Variants in AP4M1 observed in about 807,000 individuals in gnomAD.
The protein encoded by AP4M1 is AP-4 complex subunit mu-1.
In AP4M1, 58 loss-of-function variants were observed where a neutral mutation model predicts 62.4. The observed-to-expected ratio is 0.93, with a 90% CI of 0.75 to 1.16. AP4M1 has a LOEUF of 1.16. AP4M1 is among the 50% of genes most tolerant of loss of function. AP4M1 has a pLI of 0.00. For missense variants in AP4M1, 626 were observed against 585.4 expected (o/e 1.07, Z -0.72); for synonymous variants, 290 against 239.7 (o/e 1.21, Z -1.94).
chr7:100,103,337 T>C, intron 4 of AP4M1, 72 bp from the exon 5 acceptor site: 1 of 1,303,882 alleles, frequency 7.7e-7, no homozygotes, highest in Non-Finnish European at 1.1e-6. Context: ...TGAGTCACCA[T>C]GCCTGGCCCC....
chr7:100,102,448 C>G, intron 2 of AP4M1: 1 of 600,052 alleles, frequency 1.7e-6, no homozygotes, highest in East Asian at 2.8e-5. Flanking sequence ...AGCAACACAC[C>G]AGGCCCAGCT....
At chr7:100,105,855 G>A (rs1305260215) in intron 11 of AP4M1, 104 bp from the exon 12 acceptor site, 22 of 1,366,708 alleles carry the variant, frequency 1.6e-5, no homozygotes, top group African/African-American at 4.3e-5. Flanking sequence ...CCTCTTGGGA[G>A]TACAGCCCAC....
rs181206586 is a variant in AP4M1 at position 100,107,774 on chromosome 7, G to A, written c.*892G>A. 7.2e-7 allele frequency: 1 copy of A among 1,390,038 alleles called. No individual in the cohort carries two copies. The highest frequency in any genetic ancestry group is 1.5e-5 in the African/African-American group (1 of 68,640). 86.1% of individuals were successfully genotyped at this position (1,390,038 alleles called of 1,614,324 possible). ...ATGGCTGGAGACCTTGTTCATGCAG[G>A]GCAGCTACAGCCCTGCAGGACCCTG... On this transcript the variant is annotated 3_prime_UTR_variant, in exon 15 of 15. Transcript: ENST00000359593.
rs764983094 is a variant in AP4M1 at position 100,107,291 on chromosome 7, G to A, written c.*409G>A. On this transcript the variant is annotated 3_prime_UTR_variant, in exon 15 of 15. Coordinates refer to ENST00000359593, the MANE Select transcript of AP4M1 (RefSeq NM_004722.4). Reference sequence around the variant, plus strand: ...AGCCGGAGTTGGGCTGGGAGCCATTGGCTTTTGGAGTCCCTGGAGCTGGAG... The same window carrying A: ...AGCCGGAGTTGGGCTGGGAGCCATTAGCTTTTGGAGTCCCTGGAGCTGGAG... 2.0e-6 allele frequency: 3 copies of A among 1,524,108 alleles called. No individual in the cohort carries two copies. In the East Asian group the frequency reaches 6.8e-5, roughly 34 times the overall value. The allele number at this position is 1,524,108 out of a possible 1,614,324, so 94.4% of individuals were successfully genotyped here.
chr7:100,105,959 G>A lies in AP4M1; in HGVS notation c.930G>A (p.Arg310=), dbSNP rs141754568. 6.2e-4 allele frequency: 994 copies of A among 1,614,142 alleles called. 10 individuals are homozygous for A. In the Middle Eastern group the frequency reaches 0.018, roughly 29 times the overall value. ...CGTGGTGTTTTACCCTCTCATCCAG[G>A]CTCCAGGTTTATCTAAAGTTGCGAT... ...PSVQWDRGSG[R]LQVYLKLRCD... is the part of the protein sequence containing the mutation. The change falls in exon 12 of 15, where the codon CGG becomes CGA. Residue 310 remains arginine, a splice_region_variant and synonymous_variant. Coordinates refer to ENST00000359593, the MANE Select transcript of AP4M1 (RefSeq NM_004722.4).
rs898297630 is a variant in AP4M1, at chr7:100,108,697, A to C, written c.*1815A>C. The C allele has an allele frequency of 9.9e-6, 7 of 708,962 alleles. No individual in the cohort carries two copies. The highest frequency in any genetic ancestry group is 1.8e-5 in the African/African-American group (1 of 55,962). 43.9% of individuals were successfully genotyped at this position (708,962 alleles called of 1,614,324 possible). A position where few individuals can be genotyped will look rare whatever the true frequency, so the allele number is the denominator to read the frequency against. On this transcript the variant is annotated 3_prime_UTR_variant, in exon 15 of 15. Transcript: ENST00000359593. ...CCCTGTTGAAGGCCAAATTATGCTGAACTATTAGTGTGTGTACAGAACACT... is the reference window on the plus strand; with the variant it reads ...CCCTGTTGAAGGCCAAATTATGCTGCACTATTAGTGTGTGTACAGAACACT...
intron 12 of AP4M1, 21 bp from the exon 13 acceptor site, chr7:100,106,220 T>C (rs752316150): frequency 6.2e-7 from 1 of 1,614,024 alleles, no homozygotes; most frequent in Admixed American, 1.7e-5. Context: ...GGGGCTGACT[T>C]TGTTCCCGTC....
chr7:100,106,196 G>A, intron 12 of AP4M1, 45 bp from the exon 13 acceptor site: 1 of 1,609,418 alleles, frequency 6.2e-7, no homozygotes, highest in Non-Finnish European at 8.5e-7. Context: ...CAGGACAAGG[G>A]ACTGTGCCTT....
chr7:100,108,825 A>C lies in AP4M1; in HGVS notation c.*1943A>C. 1 of 284,514 alleles carries C rather than the reference A, an allele frequency of 3.5e-6. No homozygotes were observed. Among genetic ancestry groups the C allele is most frequent in the Non-Finnish European group, 6.6e-6 (1 of 152,152 alleles). 17.6% of individuals were successfully genotyped at this position (284,514 alleles called of 1,614,324 possible). A position where few individuals can be genotyped will look rare whatever the true frequency, so the allele number is the denominator to read the frequency against. Reference sequence around the variant, plus strand: ...TGAGGTGGGTGGATCACTTGAGGTCAAGAGCCTGGCCAAAATGGAGAAACC... The same window carrying C: ...TGAGGTGGGTGGATCACTTGAGGTCCAGAGCCTGGCCAAAATGGAGAAACC... On this transcript the variant is annotated 3_prime_UTR_variant, in exon 15 of 15. Transcript: ENST00000359593.
At chr7:100,102,609 C>A in intron 2 of AP4M1, 66 bp from the exon 3 acceptor site, 1 of 1,430,444 alleles carries the variant, frequency 7.0e-7, no homozygotes, top group Non-Finnish European at 9.8e-7. Flanking sequence ...GAGCTCAGGT[C>A]TCCTGGGTTC....
At chr7:100,102,029 T>A in intron 2 of AP4M1, 61 bp downstream of exon 2, 1 of 1,575,132 alleles carries the variant, frequency 6.3e-7, no homozygotes, top group Non-Finnish European at 8.7e-7. Flanking sequence ...GGGCGCCAGC[T>A]CCCTCCCAGG....
intron 13 of AP4M1, 37 bp from the exon 14 acceptor site, chr7:100,106,366 G>T: frequency 6.2e-7 from 1 of 1,612,966 alleles, no homozygotes; most frequent in Non-Finnish European, 8.5e-7. Flanking sequence ...GCCTCAAGAA[G>T]GTGCCAAGCC....
intron 11 of AP4M1, 22 bp from the exon 12 acceptor site, chr7:100,105,937 G>C: frequency 6.2e-7 from 1 of 1,613,968 alleles, no homozygotes; most frequent in Non-Finnish European, 8.5e-7. Flanking sequence ...CCTGAGTCGT[G>C]GTGTTTTACC....
At chr7:100,103,558 G>A (rs751764693) in intron 5 of AP4M1, 39 bp downstream of exon 5, 13 of 1,613,542 alleles carry the variant, frequency 8.1e-6, no homozygotes, top group Admixed American at 1.7e-5. Flanking sequence ...AAAGAGAAGA[G>A]GGGTTGGCTG....
chr7:100,104,774 T>A, intron 7 of AP4M1, 100 bp from the exon 8 acceptor site: 1 of 1,344,676 alleles, frequency 7.4e-7, no homozygotes, highest in Non-Finnish European at 1.1e-6. Flanking sequence ...GAGGTTGCAG[T>A]GAGCCGAGAT....
Position 100,106,906 on chromosome 7 carries a change from G to A in AP4M1, c.*24G>A, listed in dbSNP as rs546452379. 2.4e-4 allele frequency: 382 copies of A among 1,603,886 alleles called. 2 individuals carry two copies. The East Asian group carries it at 7.8e-3, about 33-fold the overall frequency. On this transcript the variant is annotated 3_prime_UTR_variant, in exon 15 of 15. Coordinates refer to ENST00000359593, the MANE Select transcript of AP4M1 (RefSeq NM_004722.4). Reference sequence around the variant, plus strand: ...GAGGCTCCCCAAACGAGGACACGACGGCCAAGGTGGCAGTTTGTCCCACGG... The same window carrying A: ...GAGGCTCCCCAAACGAGGACACGACAGCCAAGGTGGCAGTTTGTCCCACGG...
intron 4 of AP4M1, 55 bp from the exon 5 acceptor site, chr7:100,103,354 C>T: frequency 1.3e-6 from 2 of 1,487,758 alleles, no homozygotes; most frequent in Admixed American, 1.7e-5. Flanking sequence ...CCCCACTCCC[C>T]CTCTTTACCC....
Position 100,106,778 on chromosome 7 carries a change from C to T in AP4M1, c.1258C>T (p.Gln420Ter), listed in dbSNP as rs1796547563. ...ELPRHTCSGL[Q>*]VRFLRLAFRP... ...TCCCCGGCACACGTGCTCTGGCCTCCAGGTCCGATTCCTCAGGCTGGCCTT... is the reference window on the plus strand; with the variant it reads ...TCCCCGGCACACGTGCTCTGGCCTCTAGGTCCGATTCCTCAGGCTGGCCTT... Residue 420 changes from glutamine to a stop codon, truncating the protein, a stop_gained, in exon 15 of 15, where the codon CAG (glutamine) becomes TAG (stop). Transcript: ENST00000359593. LOFTEE classifies it high-confidence loss of function. The T allele has an allele frequency of 6.2e-7, 1 of 1,614,110 alleles. No individual in the cohort carries two copies. The highest frequency in any genetic ancestry group is 8.5e-7 in the Non-Finnish European group (1 of 1,180,040).
chr7:100,103,388 C>T, intron 4 of AP4M1, 21 bp from the exon 5 acceptor site: 3 of 1,600,334 alleles, frequency 1.9e-6, no homozygotes, highest in South Asian at 1.1e-5. Flanking sequence ...ATCACTCAGA[C>T]TGTCCTTCCT....
Sources: allele counts gnomAD v4.1 joint callset, GRCh38; gene constraint gnomAD v4.1.1; transcripts MANE v1.5; gene names NCBI Gene and HGNC (gene_info 2026-07-23, HGNC 2026-07-21).